The following BID variants were observed in gnomAD, a reference collection of about 807,000 sequenced individuals.
BID encodes the protein BH3 interacting domain death agonist.
A neutral mutation model predicts 17.4 loss-of-function variants in BID; 19 were observed. The ratio of observed to expected loss-of-function variants is 1.09; its 90% CI spans 0.76 to 1.60. The LOEUF (loss-of-function observed/expected upper bound fraction) is 1.60, where lower values mean the gene tolerates loss of function less well. Ranked by LOEUF, BID falls within the 40% of genes most tolerant of loss-of-function variation. The pLI, the probability that BID is intolerant of heterozygous loss-of-function variation, is 0.00. For synonymous variants in BID, 108 were observed against 102.8 expected, an observed-to-expected ratio of 1.05 and a Z score of -0.31; for missense variants, 226 against 256.0, an observed-to-expected ratio of 0.88 and a Z score of 0.80.
At chr22:17,741,630 G>A (rs1036459477) in intron 3 of BID, among the ~76,000 whole-genome samples, 2 of 151,660 alleles carry the variant, frequency 1.3e-5, no homozygotes, top group Non-Finnish European at 2.9e-5. Flanking sequence ...CCGCCACCCC[G>A]CCTGGCTAAT....
At chr22:17,751,844 G>C (rs985493699) in intron 1 of BID, among the ~76,000 whole-genome samples, 1 of 152,170 alleles carries the variant, frequency 6.6e-6, no homozygotes, top group Admixed American at 6.5e-5. Context: ...ATCTGGCTCC[G>C]GGGCCATCTG....
At chr22:17,742,721 G>T (rs778622797) in intron 3 of BID, among the ~76,000 whole-genome samples, 1 of 152,206 alleles carries the variant, frequency 6.6e-6, no homozygotes, top group South Asian at 2.1e-4. Context: ...CCCTAAAACA[G>T]CCTGATGCAG....
At chr22:17,741,365 T>C (rs937360882) in intron 3 of BID, among the ~76,000 whole-genome samples, 12 of 152,074 alleles carry the variant, frequency 7.9e-5, no homozygotes, top group Non-Finnish European at 1.6e-4. Context: ...CTTCAAAACC[T>C]CTCAAGTGCT....
intron 3 of BID, among the ~76,000 whole-genome samples, chr22:17,742,417 C>T (rs767244959): frequency 1.3e-5 from 2 of 152,152 alleles, no homozygotes; most frequent in African/African-American, 2.4e-5. Context: ...CAGTTCAGGG[C>T]GAGCCAGAAG....
At position 17,738,047 on chromosome 22, in the gene BID, T is replaced by C; in HGVS notation, c.546A>G (p.Leu182=). The part of the protein sequence containing the change: ...HTTVNFINQN[L]RTYVRSLARN... ...TGGCTAAGCTCCTCACGTAGGTGCGTAGGTTCTGGTTAATAAAATTCACTG... is the reference window on the plus strand; with the variant it reads ...TGGCTAAGCTCCTCACGTAGGTGCGCAGGTTCTGGTTAATAAAATTCACTG... The change falls in exon 5 of 6, where the codon CTA becomes CTG. Residue 182 remains leucine (L), a synonymous_variant. Coordinates refer to ENST00000622694, the MANE Select transcript of BID (RefSeq NM_001196.4). 1 of 1,614,184 alleles carries C rather than the reference T, an allele frequency of 6.2e-7. No individual in the cohort carries two copies. Among genetic ancestry groups the C allele is most frequent in the Non-Finnish European group, 8.5e-7 (1 of 1,180,042 alleles).
chr22:17,761,861 G>A (rs2061641427), intron 1 of BID, among the ~76,000 whole-genome samples: 1 of 152,178 alleles, frequency 6.6e-6, no homozygotes, highest in African/African-American at 2.4e-5. Flanking sequence ...GTACCATGAT[G>A]ATAAAAGGCA....
Position 17,774,363 on chromosome 22 carries a change from G to A in BID, c.-59+18C>T, listed in dbSNP as rs1484309397. On this transcript the variant is annotated intron_variant, in intron 1 of 5. Coordinates refer to ENST00000622694, the MANE Select transcript of BID (RefSeq NM_001196.4). ...TGGGGCTCGGCGCGTACCCCGGGAG[G>A]GGCGCGGGTGCACTCACCACCCTCC... The A allele has an allele frequency of 5.8e-5, 10 of 172,214 alleles. No individual in the cohort carries two copies. Among genetic ancestry groups the A allele is most frequent in the African/African-American group, 1.7e-4 (7 of 41,880 alleles). 10.7% of individuals were successfully genotyped at this position (172,214 alleles called of 1,614,324 possible). A position where few individuals can be genotyped will look rare whatever the true frequency, so the allele number is the denominator to read the frequency against.
intron 2 of BID, among the ~76,000 whole-genome samples, 185 bp downstream of exon 2, chr22:17,749,920 G>A (rs1251806936): frequency 6.6e-6 from 1 of 152,244 alleles, no homozygotes; most frequent in African/African-American, 2.4e-5. Flanking sequence ...GACAGGGAAA[G>A]GTAGGACTTC....
At chr22:17,739,873 G>A in intron 3 of BID, 1 of 627,618 alleles carries the variant, frequency 1.6e-6, no homozygotes, top group South Asian at 1.9e-5. Flanking sequence ...AAGGGGCTCT[G>A]TGGGCAGACG....
Position 17,737,941 on chromosome 22 carries a change from C to T in BID, c.576+76G>A, listed in dbSNP as rs538403130. Reference sequence around the variant, plus strand: ...GTGCTGGCATCAGAGGCAGGGGCCCCGCTGGGCTTCTCAACCTTCCAGAGA... The same window carrying T: ...GTGCTGGCATCAGAGGCAGGGGCCCTGCTGGGCTTCTCAACCTTCCAGAGA... On this transcript the variant is annotated intron_variant, in intron 5 of 5. Coordinates refer to ENST00000622694, the MANE Select transcript of BID (RefSeq NM_001196.4). 2.9e-5 allele frequency: 45 copies of T among 1,528,930 alleles called. No homozygotes were observed. In the South Asian group the frequency reaches 3.3e-4, roughly 11 times the overall value. 94.7% of individuals were successfully genotyped at this position (1,528,930 alleles called of 1,614,324 possible). A position where few individuals can be genotyped will look rare whatever the true frequency, so the allele number is the denominator to read the frequency against.
At chr22:17,765,680 G>A (rs2061673078) in intron 1 of BID, among the ~76,000 whole-genome samples, 1 of 152,156 alleles carries the variant, frequency 6.6e-6, no homozygotes, top group Admixed American at 6.6e-5. Context: ...TATAGCTAAT[G>A]CTGATAAACT....
At chr22:17,751,839 G>A (rs2061542295) in intron 1 of BID, among the ~76,000 whole-genome samples, 1 of 152,206 alleles carries the variant, frequency 6.6e-6, no homozygotes, top group Admixed American at 6.5e-5. Flanking sequence ...CCAGGATCTG[G>A]CTCCGGGGCC....
In BID at chr22:17,773,143, A is replaced by G. The variant is rs1206167141; in HGVS notation, c.-59+1238T>C. ...ATTTCCTCTTCCCTCCCTGGGCAAG[A>G]GGGGCAGAAGGGGCAGGGACGCACA... is the stretch of plus-strand genomic sequence containing the variant. On this transcript the variant is annotated intron_variant, in intron 1 of 5. Transcript: ENST00000622694. The surrounding 1 kb of genome is among the most constrained non-coding windows in gnomAD (Gnocchi z 4.4). Among the ~76,000 whole-genome samples the G allele has an allele frequency of 6.6e-6, 1 of 152,054 alleles. No individual in the cohort carries two copies. The highest frequency in any genetic ancestry group is 1.5e-5 in the Non-Finnish European group (1 of 67,998).
chr22:17,773,563 G>T lies in BID; in HGVS notation c.-59+818C>A, dbSNP rs373400722. Reference sequence around the variant, plus strand: ...TCACCTGCCCCAACCCTGCCTGCAGGTGAAGGCCGGTCCAGCCGCAGAAGG... The same window carrying T: ...TCACCTGCCCCAACCCTGCCTGCAGTTGAAGGCCGGTCCAGCCGCAGAAGG... On this transcript the variant is annotated intron_variant, in intron 1 of 5. Coordinates refer to ENST00000622694, the MANE Select transcript of BID (RefSeq NM_001196.4). The surrounding 1 kb of genome is among the most constrained non-coding windows in gnomAD (Gnocchi z 4.4). The T allele has an allele frequency of 4.4e-5, 71 of 1,601,448 alleles. No homozygotes were observed. In the African/African-American group the frequency reaches 8.8e-4, roughly 20 times the overall value.
chr22:17,749,357 A>T (rs1200333775), intron 2 of BID, among the ~76,000 whole-genome samples: 1 of 152,216 alleles, frequency 6.6e-6, no homozygotes, highest in African/African-American at 2.4e-5. Flanking sequence ...TTTTATCTTT[A>T]TAAAGACGGG....
At chr22:17,750,744 C>T (rs1426614613) in intron 1 of BID, among the ~76,000 whole-genome samples, 1 of 152,018 alleles carries the variant, frequency 6.6e-6, no homozygotes, top group Non-Finnish European at 1.5e-5. Context: ...AGGAGAATGG[C>T]ATGAACTTGG....
intron 1 of BID, among the ~76,000 whole-genome samples, chr22:17,751,941 G>A (rs754689412): frequency 2.0e-5 from 3 of 152,200 alleles, no homozygotes; most frequent in Non-Finnish European, 4.4e-5. Flanking sequence ...GGCCACAGAG[G>A]CCACGGCACC....
intron 1 of BID, among the ~76,000 whole-genome samples, chr22:17,752,907 C>T (rs531976187): frequency 9.3e-5 from 14 of 150,408 alleles, no homozygotes; most frequent in Admixed American, 2.7e-4. Flanking sequence ...CCTCGTGATC[C>T]GCCCGTCTTG....
At chr22:17,744,907 G>C (rs1395831703) in intron 2 of BID, among the ~76,000 whole-genome samples, 1 of 152,200 alleles carries the variant, frequency 6.6e-6, no homozygotes, top group Non-Finnish European at 1.5e-5. Flanking sequence ...CACACAAAAA[G>C]ACCTCCTGGG....
Sources: allele counts gnomAD v4.1 joint callset (sites outside exome capture counted in the v4.1 genomes callset), GRCh38; gene constraint gnomAD v4.1.1; non-coding constraint Gnocchi (gnomAD v3.1); transcripts MANE v1.5; gene names NCBI Gene and HGNC (gene_info 2026-07-23, HGNC 2026-07-21).